MMP17: variants seen among roughly 807,000 people sequenced by gnomAD.
The protein encoded by MMP17 is matrix metallopeptidase 17.
In MMP17, 54 loss-of-function variants were observed where a neutral mutation model predicts 49.1. The observed-to-expected ratio is 1.10, with a 90% CI of 0.88 to 1.38. The LOEUF is 1.38. Among genes scored for constraint, MMP17 ranks in the 40% most tolerant of loss-of-function variants. The pLI is 0.00. For missense variants in MMP17, 837 were observed against 853.7 expected (o/e 0.98, Z 0.24); for synonymous variants, 397 against 383.1 (o/e 1.04, Z -0.42).
At chr12:131,838,119 GT>G in intron 1 of MMP17, 75 bp from the exon 2 acceptor site, 1 of 1,499,808 alleles carries the variant, frequency 6.7e-7, no homozygotes. Context: ...GGAAGCAGTG[GT>G]GGCCCGTGGC....
intron 1 of MMP17, among the ~76,000 whole-genome samples, chr12:131,831,056 T>C (rs1211015344): frequency 6.6e-6 from 1 of 152,152 alleles, no homozygotes; most frequent in African/African-American, 2.4e-5. Flanking sequence ...GGTGGCACCG[T>C]GGGCCGTGCG....
chr12:131,839,697 T>C (rs1424946443), intron 3 of MMP17, among the ~76,000 whole-genome samples: 2 of 152,144 alleles, frequency 1.3e-5, no homozygotes, highest in African/African-American at 4.8e-5. Context: ...CCTGTAATCA[T>C]GGCACTTTGG....
intron 5 of MMP17, 45 bp from the exon 6 acceptor site, chr12:131,843,944 GGGGGAGGC>G: frequency 7.5e-7 from 1 of 1,329,744 alleles, no homozygotes; most frequent in African/African-American, 1.5e-5. Flanking sequence ...GTGGGATGTG[GGGGGAGGC>G]GGGCGTCGGG....
chr12:131,832,642 C>T (rs961498853), intron 1 of MMP17, among the ~76,000 whole-genome samples: 1 of 150,460 alleles, frequency 6.6e-6, no homozygotes, highest in Admixed American at 6.6e-5. Context: ...CCTGGGCACC[C>T]GCCTCTGGGA....
In MMP17 at chr12:131,844,144, C is replaced by T. The variant is rs1355149263; in HGVS notation, c.968+63C>T. 2.9e-6 allele frequency: 4 copies of T among 1,361,832 alleles called. No homozygotes were observed. In the East Asian group the frequency reaches 1.0e-4, roughly 34 times the overall value. 84.4% of individuals were successfully genotyped at this position (1,361,832 alleles called of 1,614,324 possible). A position where few individuals can be genotyped will look rare whatever the true frequency, so the allele number is the denominator to read the frequency against. ...TGTCTGTCCTCATCCCTGTCCCACG[C>T]AACATTTGCCCCAAATCGTGGCTCA... is the stretch of plus-strand genomic sequence containing the variant. On this transcript the variant is annotated intron_variant, in intron 6 of 9. Coordinates refer to ENST00000360564, the MANE Select transcript of MMP17 (RefSeq NM_016155.7).
intron 5 of MMP17, 38 bp from the exon 6 acceptor site, chr12:131,843,959 C>T (rs1329798575): frequency 2.8e-6 from 4 of 1,404,742 alleles, no homozygotes; most frequent in East Asian, 2.7e-5. Flanking sequence ...AGGCGGGCGT[C>T]GGGGGTTTGA....
chr12:131,834,638 C>T (rs1478996307), intron 1 of MMP17, among the ~76,000 whole-genome samples: 9 of 149,838 alleles, frequency 6.0e-5, no homozygotes, highest in Admixed American at 1.3e-4. Flanking sequence ...AGAGGCCTGG[C>T]GGGAGAGGAG....
chr12:131,840,864 T>C lies in MMP17; in HGVS notation c.706+8T>C. 1 of 1,584,852 alleles carries C rather than the reference T, an allele frequency of 6.3e-7. No homozygotes were observed. The highest frequency in any genetic ancestry group is 8.6e-7 in the Non-Finnish European group (1 of 1,166,642). On this transcript the variant is annotated splice_region_variant and intron_variant, in intron 4 of 9. Coordinates refer to ENST00000360564, the MANE Select transcript of MMP17 (RefSeq NM_016155.7). ...GGACCTTCCGCTCCTCGGGTGCGTC[T>C]GGGGCAGCCCTCAGGGCAGAGTCAG... is the stretch of plus-strand genomic sequence containing the variant.
At position 131,846,312 on chromosome 12, in the gene MMP17, G is replaced by A. The variant is rs537784850; in HGVS notation, c.1204+863G>A. Among the ~76,000 whole-genome samples the A allele has an allele frequency of 1.6e-4, 25 of 152,092 alleles. No homozygotes were observed. The highest frequency in any genetic ancestry group is 1.4e-3 in the Admixed American group (21 of 15,284). On this transcript the variant is annotated intron_variant, in intron 8 of 9. Transcript: ENST00000360564. This position sits in a 1 kb window ranked among gnomAD's most constrained non-coding sequence, Gnocchi z 4.6. ...CCCGGCCGTCTCCTCCCCCATCTCC[G>A]CATCTTCTCTTATAAGGAAGCCGGG... is the stretch of plus-strand genomic sequence containing the variant.
rs530374840 is a variant in MMP17, at chr12:131,851,352, C to G, written c.*78C>G. 94 of 1,250,780 alleles carry G rather than the reference C, an allele frequency of 7.5e-5. 1 individual carries two copies. In the South Asian group the frequency reaches 2.0e-3, roughly 27 times the overall value. 77.5% of individuals were successfully genotyped at this position (1,250,780 alleles called of 1,614,324 possible). On this transcript the variant is annotated 3_prime_UTR_variant, in exon 10 of 10. Coordinates refer to ENST00000360564, the MANE Select transcript of MMP17 (RefSeq NM_016155.7). ...GAGGGCAAGGACTGTGCCGGAGTCCCTGGGGGAGGTGCTGGCGCGGGATGA... is the reference window on the plus strand; with the variant it reads ...GAGGGCAAGGACTGTGCCGGAGTCCGTGGGGGAGGTGCTGGCGCGGGATGA...
Position 131,828,564 on chromosome 12 carries a change from C to CTGT in MMP17, c.70_71insTGT (p.Pro24delinsLeuSer), listed in dbSNP as rs1555255838. On this transcript the variant is annotated protein_altering_variant, in exon 1 of 10. Transcript: ENST00000360564. ...GCCCGGACTCTCGCGGCTGCCGCTG[C>CTGT]CGCTGCTGCTGCTGCTGGCGCTGGG... is the stretch of plus-strand genomic sequence containing the variant. 9.3e-5 allele frequency: 95 copies of CTGT among 1,021,666 alleles called. No homozygotes were observed. The highest frequency in any genetic ancestry group is 4.6e-4 in the Middle Eastern group (1 of 2,188). The allele number at this position is 1,021,666 out of a possible 1,614,324, so 63.3% of individuals were successfully genotyped here. A position where few individuals can be genotyped will look rare whatever the true frequency, so the allele number is the denominator to read the frequency against.
intron 1 of MMP17, among the ~76,000 whole-genome samples, chr12:131,837,613 T>G (rs978588436): frequency 3.9e-5 from 6 of 152,260 alleles, no homozygotes; most frequent in African/African-American, 1.4e-4. Flanking sequence ...CCTAGCATTT[T>G]GCGGTCTCAG....
At chr12:131,845,657 G>C (rs56072013) in intron 8 of MMP17, among the ~76,000 whole-genome samples, 3,648 of 152,314 alleles carry the variant, frequency 0.024, 134 homozygotes, top group African/African-American at 0.081. Flanking sequence ...TAGGCACACA[G>C]AGGGCAAAAC....
intron 6 of MMP17, chr12:131,844,635 T>C: frequency 4.5e-6 from 1 of 223,208 alleles, no homozygotes; most frequent in Non-Finnish European, 8.9e-6. Context: ...CACAGGACCG[T>C]ACGTGTAACC....
rs367543935 is a variant in MMP17, at chr12:131,845,332, C to G, written c.1087C>G (p.Leu363Val). Reference protein sequence around the residue: ...YFWRLTRDRHLVSLQPAQMHR... With the variant: ...YFWRLTRDRHVVSLQPAQMHR... ...CTGGCGGCTGACGCGGGACCGGCAC[C>G]TGGTGTCCCTGCAGCCGGCACAGAT... Residue 363 changes from leucine to valine, a missense_variant, in exon 8 of 10, where the codon CTG becomes GTG. By Grantham distance (32) the Leu-to-Val change is conservative (BLOSUM62 1). Coordinates refer to ENST00000360564, the MANE Select transcript of MMP17 (RefSeq NM_016155.7). 6.2e-7 allele frequency: 1 copy of G among 1,604,836 alleles called. No homozygotes were observed. The highest frequency in any genetic ancestry group is 1.3e-5 in the African/African-American group (1 of 74,840).
chr12:131,839,719 G>A (rs927920961), intron 3 of MMP17, among the ~76,000 whole-genome samples: 3 of 152,150 alleles, frequency 2.0e-5, no homozygotes, highest in Non-Finnish European at 4.4e-5. Context: ...AGGCCAAGGC[G>A]GGCGGATCAT....
At chr12:131,844,381 T>G in intron 6 of MMP17, 3 of 431,718 alleles carry the variant, frequency 6.9e-6, no homozygotes, top group Non-Finnish European at 8.3e-6. Context: ...AGCTCATGGA[T>G]TCCCAGCATC....
intron 8 of MMP17, among the ~76,000 whole-genome samples, chr12:131,848,313 C>T (rs1394056916): frequency 3.3e-5 from 5 of 152,124 alleles, no homozygotes; most frequent in African/African-American, 7.2e-5. Flanking sequence ...CTCAAACTCC[C>T]GACCTCAGGT....
Position 131,845,143 on chromosome 12 carries a change from T to A in MMP17, c.994T>A (p.Cys332Ser). Residue 332 changes from cysteine to serine, a missense_variant, in exon 7 of 10, where the codon TGC becomes AGC. By Grantham distance (112) the Cys-to-Ser change is moderately radical. Transcript: ENST00000360564. ...GCCCAGGAAGGACGTGCCCCACAGATGCAGCACTCACTTTGACGCGGTGGC... is the reference window on the plus strand; with the variant it reads ...GCCCAGGAAGGACGTGCCCCACAGAAGCAGCACTCACTTTGACGCGGTGGC... ...APPRKDVPHR[C>S]STHFDAVAQI... 6.2e-7 allele frequency: 1 copy of A among 1,610,838 alleles called. No individual in the cohort carries two copies. The highest frequency in any genetic ancestry group is 8.5e-7 in the Non-Finnish European group (1 of 1,179,312).
Sources: allele counts gnomAD v4.1 joint callset (sites outside exome capture counted in the v4.1 genomes callset), GRCh38; gene constraint gnomAD v4.1.1; non-coding constraint Gnocchi (gnomAD v3.1); transcripts MANE v1.5; gene names NCBI Gene and HGNC (gene_info 2026-07-23, HGNC 2026-07-21).